The following ITGA11 variants were observed in gnomAD, a reference collection of about 807,000 sequenced individuals.
ITGA11 encodes integrin alpha-11.
In ITGA11, 97 loss-of-function variants were observed where a neutral mutation model predicts 141.9. That is an observed-to-expected ratio of 0.68 (90% CI 0.58 to 0.81). The LOEUF is 0.81. Among genes scored for constraint, ITGA11 ranks in the 30% least tolerant of loss-of-function variants. ITGA11 has a pLI of 0.00. For synonymous variants in ITGA11, 658 were observed against 624.6 expected (o/e 1.05, Z -0.80); for missense variants, 1,387 against 1,559.2 (o/e 0.89, Z 1.86).
chr15:68,356,835 A>G (rs1895085939), intron 7 of ITGA11, among the ~76,000 whole-genome samples: 1 of 152,144 alleles, frequency 6.6e-6, no homozygotes, highest in Non-Finnish European at 1.5e-5. Flanking sequence ...GCCACAAGGA[A>G]ATCAAGCCAC....
chr15:68,427,339 C>A (rs895194552), intron 1 of ITGA11, among the ~76,000 whole-genome samples: 9 of 152,158 alleles, frequency 5.9e-5, no homozygotes, highest in Admixed American at 5.9e-4. Flanking sequence ...GGACATTTAA[C>A]CTGATTGTTG....
intron 3 of ITGA11, among the ~76,000 whole-genome samples, chr15:68,366,572 C>T (rs994362770): frequency 6.6e-5 from 10 of 152,166 alleles, no homozygotes; most frequent in African/African-American, 2.4e-4. Flanking sequence ...TCTCCTTCCT[C>T]CCTCTCCCCT....
At chr15:68,309,806 G>T (rs1893320799) in intron 26 of ITGA11, among the ~76,000 whole-genome samples, 1 of 152,180 alleles carries the variant, frequency 6.6e-6, no homozygotes, top group East Asian at 1.9e-4. Context: ...GGCCAGGCTG[G>T]TCTCGAGCTC....
chr15:68,364,809 G>C lies in ITGA11; in HGVS notation c.266-11C>G. On this transcript the variant is annotated splice_polypyrimidine_tract_variant and intron_variant, in intron 3 of 29. Coordinates refer to ENST00000315757, the MANE Select transcript of ITGA11 (RefSeq NM_001004439.2). ...ACAGGGTGACCCTTCCTGGGGTTGG[G>C]GGAGAAGTTCAGCTTGCAGCCCCCT... 1 of 1,612,994 alleles carries C rather than the reference G, an allele frequency of 6.2e-7. No homozygotes were observed. Among genetic ancestry groups the C allele is most frequent in the Non-Finnish European group, 8.5e-7 (1 of 1,179,222 alleles).
chr15:68,344,369 G>A (rs1894673851), intron 10 of ITGA11, among the ~76,000 whole-genome samples: 1 of 152,062 alleles, frequency 6.6e-6, no homozygotes. Flanking sequence ...ATTTTTTGTT[G>A]AATCAGATAC....
At chr15:68,352,044 T>C (rs1016382041) in intron 7 of ITGA11, among the ~76,000 whole-genome samples, 105 of 150,662 alleles carry the variant, frequency 7.0e-4, no homozygotes, top group African/African-American at 2.3e-3. Flanking sequence ...GATCGCACCA[T>C]TGCACTCCAG....
chr15:68,393,053 C>T (rs1896155379), intron 2 of ITGA11, among the ~76,000 whole-genome samples: 1 of 152,064 alleles, frequency 6.6e-6, no homozygotes. Flanking sequence ...AAAAAAGAAT[C>T]CAGTGGACAT....
chr15:68,323,913 C>T (rs1442658440), intron 18 of ITGA11, among the ~76,000 whole-genome samples: 5 of 152,148 alleles, frequency 3.3e-5, no homozygotes, highest in African/African-American at 9.7e-5. Flanking sequence ...CCACCTTGCA[C>T]GGAGATCGTC....
At position 68,320,401 on chromosome 15, in the gene ITGA11, A is replaced by G. The variant is rs1459257992; in HGVS notation, c.2409-9T>C. The G allele has an allele frequency of 2.5e-6, 4 of 1,573,272 alleles. No homozygotes were observed. The highest frequency in any genetic ancestry group is 3.5e-6 in the Non-Finnish European group (4 of 1,158,890). On this transcript the variant is annotated splice_polypyrimidine_tract_variant and intron_variant, in intron 19 of 29. Transcript: ENST00000315757. The stretch of plus-strand genomic sequence containing the variant: ...CCCTCTGGCAGTACTCCCTGAGAAC[A>G]AGAGACCACCAGAGACTGGGCAGAT...
intron 1 of ITGA11, among the ~76,000 whole-genome samples, chr15:68,410,324 TGGAG>T (rs1345095431): frequency 1.3e-5 from 2 of 152,232 alleles, no homozygotes; most frequent in South Asian, 4.1e-4. Context: ...TCATTTTCCT[TGGAG>T]GGAGGGCGCT....
chr15:68,424,569 C>T (rs943086765), intron 1 of ITGA11, among the ~76,000 whole-genome samples: 4 of 152,198 alleles, frequency 2.6e-5, no homozygotes, highest in East Asian at 1.9e-4. Flanking sequence ...CTCACCCTCA[C>T]CCAGGATGGA....
In ITGA11 at chr15:68,432,146, G is replaced by A. The variant is rs1897285881; in HGVS notation, c.-80C>T. The A allele has an allele frequency of 5.4e-6, 6 of 1,113,040 alleles. No individual in the cohort carries two copies. Among genetic ancestry groups the A allele is most frequent in the Non-Finnish European group, 7.0e-6 (6 of 855,710 alleles). The allele number at this position is 1,113,040 out of a possible 1,614,324, so 68.9% of individuals were successfully genotyped here. On this transcript the variant is annotated 5_prime_UTR_variant, in exon 1 of 30. Coordinates refer to ENST00000315757, the MANE Select transcript of ITGA11 (RefSeq NM_001004439.2). ...CCAGAGCGGCAGCCTCCTCGGCGCG[G>A]CGCCTGCAGCCTGCACTGCGCGGGG...
chr15:68,399,490 C>T lies in ITGA11; in HGVS notation c.164+3428G>A, dbSNP rs551718212. 8.4e-4 allele frequency among the ~76,000 whole-genome samples: 128 copies of T among 152,152 alleles called. 1 individual carries two copies. The Middle Eastern group carries it at 0.02, about 24-fold the overall frequency. On this transcript the variant is annotated intron_variant, in intron 2 of 29. Coordinates refer to ENST00000315757, the MANE Select transcript of ITGA11 (RefSeq NM_001004439.2). ...ACCCAAAGGAAGATAAATCATTTAC[C>T]ACAAACACATGCACTTGTATGTTTT...
intron 1 of ITGA11, among the ~76,000 whole-genome samples, chr15:68,406,782 C>T (rs1896659881): frequency 6.6e-6 from 1 of 152,152 alleles, no homozygotes; most frequent in African/African-American, 2.4e-5. Context: ...GGGACAGTCT[C>T]TCCCCTCAGT....
chr15:68,427,731 C>A (rs373124658), intron 1 of ITGA11, among the ~76,000 whole-genome samples: 3 of 152,296 alleles, frequency 2.0e-5, no homozygotes, highest in East Asian at 1.9e-4. Context: ...GGGCATTTGA[C>A]AAAGAATTCA....
In ITGA11 at chr15:68,301,278, T is replaced by G. The variant is rs1325841850; in HGVS notation, c.*1781A>C. ...AACAAGATCAAATTATTTCCAAGGT[T>G]CTACTTACTGGGAATCCAAGACATG... is the stretch of plus-strand genomic sequence containing the variant. On this transcript the variant is annotated 3_prime_UTR_variant, in exon 30 of 30. Coordinates refer to ENST00000315757, the MANE Select transcript of ITGA11 (RefSeq NM_001004439.2). The surrounding 1 kb of genome is among the most constrained non-coding windows in gnomAD (Gnocchi z 4.4). The G allele has an allele frequency of 6.6e-6, 1 of 152,198 alleles. No homozygotes were observed. The highest frequency in any genetic ancestry group is 1.5e-5 in the Non-Finnish European group (1 of 68,042). 9.4% of individuals were successfully genotyped at this position (152,198 alleles called of 1,614,324 possible). A position where few individuals can be genotyped will look rare whatever the true frequency, so the allele number is the denominator to read the frequency against.
chr15:68,428,294 C>G (rs1372868055), intron 1 of ITGA11, among the ~76,000 whole-genome samples: 1 of 152,100 alleles, frequency 6.6e-6, no homozygotes, highest in Non-Finnish European at 1.5e-5. Flanking sequence ...GGGAAGGTCC[C>G]TGCTGTTAGA....
Position 68,376,245 on chromosome 15 carries a change from G to T in ITGA11, c.165-6961C>A, listed in dbSNP as rs1895725705. On this transcript the variant is annotated intron_variant, in intron 2 of 29. Coordinates refer to ENST00000315757, the MANE Select transcript of ITGA11 (RefSeq NM_001004439.2). ...TCTCCTCTCTTTTTTTTTTCACCTGGGCTGCTATAAACTGTGTGCACAGCC... is the reference window on the plus strand; with the variant it reads ...TCTCCTCTCTTTTTTTTTTCACCTGTGCTGCTATAAACTGTGTGCACAGCC... Among the ~76,000 whole-genome samples the T allele has an allele frequency of 2.0e-5, 3 of 149,376 alleles. No individual in the cohort carries two copies. The South Asian group carries it at 6.3e-4, about 31-fold the overall frequency.
intron 3 of ITGA11, among the ~76,000 whole-genome samples, chr15:68,366,525 G>A (rs750705167): frequency 3.9e-5 from 6 of 152,110 alleles, no homozygotes; most frequent in Admixed American, 1.3e-4. Flanking sequence ...TCTGCCCTCC[G>A]TTTATTTAAG....
Sources: gnomAD v4.1 joint callset for allele counts (sites outside exome capture counted in the v4.1 genomes callset) on GRCh38, gnomAD v4.1.1 for gene constraint, Gnocchi (gnomAD v3.1) non-coding constraint, MANE v1.5 for transcripts, NCBI Gene and HGNC (gene_info 2026-07-23, HGNC 2026-07-21) for gene names.